DARS1: variants seen among roughly 807,000 people sequenced by gnomAD.
DARS1 encodes the protein aspartate--tRNA ligase, cytoplasmic.
In DARS1, 51 loss-of-function variants were observed where a neutral mutation model predicts 68.8. That is an observed-to-expected ratio of 0.74 (90% CI 0.59 to 0.94). DARS1 has a LOEUF of 0.94. Among genes scored for constraint, DARS1 ranks in the 40% least tolerant of loss-of-function variants. The probability of loss-of-function intolerance (pLI) is 0.00; values close to 1 mark genes in which losing one functional copy is unlikely to be tolerated. For missense variants in DARS1, 607 were observed against 597.3 expected, an observed-to-expected ratio of 1.02 and a Z score of -0.17; for synonymous variants, 203 against 190.4, an observed-to-expected ratio of 1.07 and a Z score of -0.55.
chr2:135,925,930 G>A (rs879783728), intron 7 of DARS1, among the ~76,000 whole-genome samples: 6 of 152,078 alleles, frequency 3.9e-5, no homozygotes, highest in Non-Finnish European at 8.8e-5. Flanking sequence ...TTTTATTGCC[G>A]CTTGCCTCTT....
intron 1 of DARS1, 53 bp from the exon 2 acceptor site, chr2:135,983,507 A>T: frequency 2.8e-6 from 2 of 716,012 alleles, no homozygotes. Context: ...CTAAGAGCAC[A>T]GTAAACACAT....
chr2:135,925,859 G>A (rs1207530719), intron 7 of DARS1, among the ~76,000 whole-genome samples: 1 of 152,182 alleles, frequency 6.6e-6, no homozygotes, highest in African/African-American at 2.4e-5. Flanking sequence ...CACTGTTACT[G>A]ACAAATGTAC....
chr2:135,964,416 T>C (rs1345506128), intron 3 of DARS1, among the ~76,000 whole-genome samples: 1 of 152,154 alleles, frequency 6.6e-6, no homozygotes, highest in Non-Finnish European at 1.5e-5. Flanking sequence ...AAAGGAAATT[T>C]TGGCCAAGTT....
chr2:135,980,108 G>A (rs966886854), intron 2 of DARS1, among the ~76,000 whole-genome samples: 2 of 152,166 alleles, frequency 1.3e-5, no homozygotes, highest in African/African-American at 4.8e-5. Context: ...ATCCAATCAT[G>A]CTTGATGTCA....
intron 15 of DARS1, 30 bp from the exon 16 acceptor site, chr2:135,907,437 C>A (rs748680951): frequency 6.7e-7 from 1 of 1,496,490 alleles, no homozygotes; most frequent in Non-Finnish European, 9.3e-7. Flanking sequence ...TCATTAATTC[C>A]TTTTTGAAAA....
intron 4 of DARS1, among the ~76,000 whole-genome samples, chr2:135,960,091 G>A (rs1682067923): frequency 6.6e-6 from 1 of 152,078 alleles, no homozygotes; most frequent in Non-Finnish European, 1.5e-5. Context: ...TTAAAAGGTT[G>A]GAAGACAAAT....
At chr2:135,945,172 G>A (rs772228314) in intron 4 of DARS1, among the ~76,000 whole-genome samples, 1 of 151,700 alleles carries the variant, frequency 6.6e-6, no homozygotes, top group Non-Finnish European at 1.5e-5. Context: ...CTGTCACCTA[G>A]GCTGGAGTGC....
Position 135,961,429 on chromosome 2 carries a change from T to C in DARS1, c.287A>G (p.His96Arg). Residue 96 changes from histidine to arginine, a missense_variant, in exon 4 of 16, where the codon CAT becomes CGT. Transcript: ENST00000264161. Reference sequence around the variant, plus strand: ...AAATTTAACCATCTGCTTGCTTGCATGGTCTCCCACCGCCACAAGAGCCTG... The same window carrying C: ...AAATTTAACCATCTGCTTGCTTGCACGGTCTCCCACCGCCACAAGAGCCTG... ...NVQALVAVGD[H>R]ASKQMVKFAA... 1.3e-6 allele frequency: 2 copies of C among 1,519,700 alleles called. No homozygotes were observed. Among genetic ancestry groups the C allele is most frequent in the Non-Finnish European group, 1.8e-6 (2 of 1,093,616 alleles). 94.1% of individuals were successfully genotyped at this position (1,519,700 alleles called of 1,614,324 possible). A position where few individuals can be genotyped will look rare whatever the true frequency, so the allele number is the denominator to read the frequency against.
At chr2:135,984,004 T>C (rs1682705548) in intron 1 of DARS1, among the ~76,000 whole-genome samples, 1 of 152,184 alleles carries the variant, frequency 6.6e-6, no homozygotes, top group Non-Finnish European at 1.5e-5. Context: ...CAGCTTCCTG[T>C]TTCTAAAAAC....
intron 4 of DARS1, among the ~76,000 whole-genome samples, chr2:135,948,068 A>G (rs1197481696): frequency 6.6e-6 from 1 of 152,250 alleles, no homozygotes; most frequent in Non-Finnish European, 1.5e-5. Flanking sequence ...AATTTCTGAC[A>G]GCAGATTTTA....
intron 15 of DARS1, chr2:135,910,898 G>A (rs1471083985): frequency 4.8e-6 from 2 of 413,378 alleles, no homozygotes; most frequent in East Asian, 4.7e-5. Flanking sequence ...ACTCACAGCA[G>A]CAGAGAGAAA....
rs1681378856 is a variant in DARS1, at chr2:135,932,774, G to A, written c.564+9C>T. The A allele has an allele frequency of 2.6e-6, 3 of 1,169,764 alleles. No individual in the cohort carries two copies. The highest frequency in any genetic ancestry group is 3.8e-6 in the Non-Finnish European group (3 of 785,176). 72.5% of individuals were successfully genotyped at this position (1,169,764 alleles called of 1,614,324 possible). A position where few individuals can be genotyped will look rare whatever the true frequency, so the allele number is the denominator to read the frequency against. The stretch of plus-strand genomic sequence containing the variant: ...TAATTGCTTCACTTAATAAATAAAT[G>A]AGGCATACCCTAAGATCAATGACTC... On this transcript the variant is annotated intron_variant, in intron 7 of 15. Coordinates refer to ENST00000264161, the MANE Select transcript of DARS1 (RefSeq NM_001349.4).
chr2:135,953,554 AG>A (rs1681895246), intron 4 of DARS1, among the ~76,000 whole-genome samples: 1 of 152,210 alleles, frequency 6.6e-6, no homozygotes, highest in East Asian at 1.9e-4. Context: ...CCTAAGCAAA[AG>A]TAGATGCAAT....
intron 4 of DARS1, among the ~76,000 whole-genome samples, chr2:135,943,946 G>A (rs1054462304): frequency 1.5e-4 from 23 of 152,238 alleles, no homozygotes; most frequent in Admixed American, 3.3e-4. Context: ...GGACATTAGC[G>A]TGCTGTTTTG....
At chr2:135,937,351 T>C (rs1681493268) in intron 5 of DARS1, among the ~76,000 whole-genome samples, 2 of 151,944 alleles carry the variant, frequency 1.3e-5, no homozygotes, top group Non-Finnish European at 2.9e-5. Context: ...TTTAAGTCAA[T>C]GATAATGAGC....
chr2:135,928,185 A>G (rs1681265247), intron 7 of DARS1, among the ~76,000 whole-genome samples: 1 of 152,194 alleles, frequency 6.6e-6, no homozygotes, highest in African/African-American at 2.4e-5. Context: ...TTATCATCTT[A>G]GTTAAGATAC....
intron 7 of DARS1, among the ~76,000 whole-genome samples, chr2:135,927,397 A>G (rs1681242877): frequency 6.6e-6 from 1 of 152,178 alleles, no homozygotes; most frequent in African/African-American, 2.4e-5. Flanking sequence ...AATACCTTAT[A>G]TATTTAATTT....
intron 13 of DARS1, 173 bp from the exon 14 acceptor site, chr2:135,911,666 T>C (rs752742506): frequency 3.8e-6 from 2 of 519,836 alleles, no homozygotes; most frequent in Non-Finnish European, 3.4e-6. Flanking sequence ...AACTTTTTCT[T>C]TGTTTATATC....
At chr2:135,941,085 C>T (rs1681585157) in intron 5 of DARS1, among the ~76,000 whole-genome samples, 1 of 152,114 alleles carries the variant, frequency 6.6e-6, no homozygotes, top group African/African-American at 2.4e-5. Flanking sequence ...GCCATACTGC[C>T]CAAGGTAATT....
Sources: allele counts gnomAD v4.1 joint callset (sites outside exome capture counted in the v4.1 genomes callset), GRCh38; gene constraint gnomAD v4.1.1; transcripts MANE v1.5; gene names NCBI Gene and HGNC (gene_info 2026-07-23, HGNC 2026-07-21).